Variants in POLD3 observed in about 807,000 individuals in gnomAD.
POLD3 encodes DNA polymerase delta 3, accessory subunit.
POLD3 carries 19 observed loss-of-function variants against 58.2 expected under a neutral mutation model. The observed-to-expected ratio is 0.33, with a 90% confidence interval of 0.23 to 0.48. The LOEUF (loss-of-function observed/expected upper bound fraction) is 0.48. POLD3 is among the 20% of genes least tolerant of loss of function. The probability of loss-of-function intolerance (pLI) is 0.99; values close to 1 mark genes in which losing one functional copy is unlikely to be tolerated. For missense variants in POLD3, 504 were observed against 545.5 expected, an observed-to-expected ratio of 0.92 and a Z score of 0.76; for synonymous variants, 172 against 193.5, an observed-to-expected ratio of 0.89 and a Z score of 0.92.
intron 2 of POLD3, among the ~76,000 whole-genome samples, chr11:74,597,215 A>G (rs1207118828): frequency 3.3e-5 from 5 of 152,198 alleles, no homozygotes; most frequent in Admixed American, 2.6e-4. Flanking sequence ...CCCACCAACA[A>G]TGTATAAGCA....
At chr11:74,623,009 G>A (rs1293382241) in intron 7 of POLD3, among the ~76,000 whole-genome samples, 1 of 152,226 alleles carries the variant, frequency 6.6e-6, no homozygotes, top group Non-Finnish European at 1.5e-5. Context: ...GCTATAAAAA[G>A]TAATGAAGTA....
intron 3 of POLD3, among the ~76,000 whole-genome samples, chr11:74,607,031 A>T (rs1406834753): frequency 6.6e-6 from 1 of 151,872 alleles, no homozygotes; most frequent in Non-Finnish European, 1.5e-5. Context: ...GCTCTGTGGA[A>T]CCCTGTAGAA....
In POLD3 at chr11:74,668,023, A is replaced by G. The variant is rs118034641; in HGVS notation, c.370-754A>G. On this transcript the variant is annotated intron_variant, in intron 4 of 4. Transcript: ENST00000524752. ...TAGGGAAATGTAAATCAAAATCTCAATGAGAAATAACTTTACACCCACTAG... is the reference window on the plus strand; with the variant it reads ...TAGGGAAATGTAAATCAAAATCTCAGTGAGAAATAACTTTACACCCACTAG... Among the ~76,000 whole-genome samples, 865 of 152,350 alleles carry G rather than the reference A, an allele frequency of 5.7e-3. 4 individuals are homozygous for G. The highest frequency in any genetic ancestry group is 8.3e-3 in the Non-Finnish European group (567 of 68,022).
At chr11:74,645,337 T>C (rs1318473144), downstream of POLD3, among the ~76,000 whole-genome samples, 1 of 152,230 alleles carries the variant, frequency 6.6e-6, no homozygotes, top group East Asian at 1.9e-4. Flanking sequence ...TTATTTCTGT[T>C]GTGCTTTAAG....
At chr11:74,665,323 C>CAA (rs143931611) in intron 4 of POLD3, among the ~76,000 whole-genome samples, 6 of 120,458 alleles carry the variant, frequency 5.0e-5, no homozygotes, top group African/African-American at 1.9e-4. Context: ...GACTCTGTCT[C>CAA]AAAAAAAAAA....
intron 5 of POLD3, among the ~76,000 whole-genome samples, chr11:74,613,253 C>G (rs970021427): frequency 1.3e-5 from 2 of 151,926 alleles, no homozygotes; most frequent in Non-Finnish European, 2.9e-5. Context: ...TCACTGCCAC[C>G]AGAAATGTTT....
chr11:74,661,412 AG>A (rs1280659522), intron 4 of POLD3, among the ~76,000 whole-genome samples: 1 of 152,254 alleles, frequency 6.6e-6, no homozygotes, highest in East Asian at 1.9e-4. Flanking sequence ...GTACTGCATT[AG>A]GGGGAACCCC....
At chr11:74,628,878 A>G (rs1399092259) in intron 8 of POLD3, 1 of 174,928 alleles carries the variant, frequency 5.7e-6, no homozygotes, top group East Asian at 1.5e-4. Context: ...AGAGCCTTGT[A>G]TGTATGTAGT....
chr11:74,647,797 A>G (rs907012784), downstream of POLD3, among the ~76,000 whole-genome samples: 1 of 152,220 alleles, frequency 6.6e-6, no homozygotes, highest in African/African-American at 2.4e-5. Context: ...GGTGCATTAA[A>G]TACTGGGGAT....
chr11:74,592,949 A>G, intron 1 of POLD3: 1 of 1,393,292 alleles, frequency 7.2e-7, no homozygotes, highest in East Asian at 2.7e-5. Flanking sequence ...TGCTGGGAAC[A>G]GAGCCTGGGG....
At position 74,634,691 on chromosome 11, in the gene POLD3, T is replaced by G. The variant is rs201278185; in HGVS notation, c.1115T>G (p.Val372Gly). 4.4e-6 allele frequency: 7 copies of G among 1,574,820 alleles called. No homozygotes were observed. Among genetic ancestry groups the G allele is most frequent in the Non-Finnish European group, 6.1e-6 (7 of 1,144,434 alleles). ...AAGACTGAGCCTGAACCTCCTTCTG[T>G]CAAGGTAAAATTATACTGGGATTCT... Reference protein sequence around the residue: ...VPKTEPEPPSVKSSSGENKRK... With the variant: ...VPKTEPEPPSGKSSSGENKRK... The change falls in exon 10 of 12, where the codon GTC (valine) becomes GGC (glycine). Residue 372 changes from valine to glycine, a missense_variant. Val to Gly is a moderately radical substitution (Grantham distance 109). This residue lies in a region of POLD3 where 385 missense variants were observed against 370.5 expected (regional missense o/e 1.04). Coordinates refer to ENST00000263681, the MANE Select transcript of POLD3 (RefSeq NM_006591.3).
chr11:74,598,575 C>T (rs1032947351), intron 2 of POLD3, among the ~76,000 whole-genome samples: 3 of 152,150 alleles, frequency 2.0e-5, no homozygotes, highest in South Asian at 2.1e-4. Flanking sequence ...CTGGCATCCC[C>T]GCTGGAAAGT....
intron 6 of POLD3, among the ~76,000 whole-genome samples, chr11:74,619,688 G>T (rs548076435): frequency 6.6e-6 from 1 of 152,136 alleles, no homozygotes; most frequent in African/African-American, 2.4e-5. Flanking sequence ...AGGTTTTCCC[G>T]CTTTGTGTAC....
In POLD3 at chr11:74,625,708, C is replaced by A. The variant is rs1338798313; in HGVS notation, c.899+135C>A. 3.7e-5 allele frequency: 23 copies of A among 620,002 alleles called. No homozygotes were observed. The East Asian group carries it at 6.7e-4, about 18-fold the overall frequency. The allele number at this position is 620,002 out of a possible 1,614,324, so 38.4% of individuals were successfully genotyped here. On this transcript the variant is annotated intron_variant, in intron 8 of 11. Coordinates refer to ENST00000263681, the MANE Select transcript of POLD3 (RefSeq NM_006591.3). Reference sequence around the variant, plus strand: ...ATGCCTAAGGGATACAACTATACAACCAAAATGGAAAGAGAAGCCCAGTAG... The same window carrying A: ...ATGCCTAAGGGATACAACTATACAAACAAAATGGAAAGAGAAGCCCAGTAG...
chr11:74,658,950 A>T (rs181502535), intron 4 of POLD3, among the ~76,000 whole-genome samples: 23 of 152,302 alleles, frequency 1.5e-4, no homozygotes, highest in Admixed American at 1.4e-3. Context: ...TCACAGCTCC[A>T]CTAGGCAGTG....
At chr11:74,601,104 A>G (rs906489160) in intron 2 of POLD3, among the ~76,000 whole-genome samples, 5 of 152,224 alleles carry the variant, frequency 3.3e-5, no homozygotes, top group Admixed American at 2.0e-4. Flanking sequence ...TGGGGAGACA[A>G]GTGCATAGAG....
At chr11:74,635,349 A>T (rs1311987470) in intron 10 of POLD3, among the ~76,000 whole-genome samples, 4 of 152,212 alleles carry the variant, frequency 2.6e-5, no homozygotes, top group Non-Finnish European at 5.9e-5. Context: ...GGAAGTTGAT[A>T]CTAGTAATAC....
intron 2 of POLD3, among the ~76,000 whole-genome samples, chr11:74,599,321 C>G (rs903571325): frequency 7.2e-5 from 11 of 151,854 alleles, no homozygotes; most frequent in African/African-American, 2.4e-4. Flanking sequence ...CATGAGCCAC[C>G]ATGCTCGGCC....
At chr11:74,599,889 G>A (rs1335895098) in intron 2 of POLD3, among the ~76,000 whole-genome samples, 1 of 152,062 alleles carries the variant, frequency 6.6e-6, no homozygotes, top group Non-Finnish European at 1.5e-5. Flanking sequence ...ATTAAAATGG[G>A]AAGCTATAAT....
Sources: allele counts gnomAD v4.1 joint callset (sites outside exome capture counted in the v4.1 genomes callset), GRCh38; gene constraint gnomAD v4.1.1; regional missense constraint gnomAD v4.1.1; transcripts MANE v1.5; gene names NCBI Gene and HGNC (gene_info 2026-07-23, HGNC 2026-07-21).